PRDX4: variants seen among roughly 807,000 people sequenced by gnomAD.
PRDX4 encodes the protein peroxiredoxin 4, also known as peroxiredoxin-4.
PRDX4 carries 12 observed loss-of-function variants against 20.5 expected under a neutral mutation model. The ratio of observed to expected loss-of-function variants is 0.58; its 90% CI spans 0.37 to 0.95. PRDX4 has a LOEUF of 0.95. Among genes scored for constraint, PRDX4 ranks in the 40% least tolerant of loss-of-function variants. The pLI is 0.01. For synonymous variants in PRDX4, 99 were observed against 87.5 expected (o/e 1.13, Z -0.73); for missense variants, 180 against 207.3 (o/e 0.87, Z 0.81).
At position 23,667,750 on chromosome X, in the gene PRDX4, C is replaced by T; in HGVS notation, c.180C>T (p.Tyr60=). The T allele has an allele frequency of 8.3e-7, 1 of 1,211,593 alleles. No homozygotes were observed. Among genetic ancestry groups the T allele is most frequent in the East Asian group, 3.0e-5 (1 of 33,817 alleles). Residue 60 remains tyrosine (Y), a synonymous_variant, in exon 1 of 7, where the codon TAC becomes TAT. Coordinates refer to ENST00000379341, the MANE Select transcript of PRDX4 (RefSeq NM_006406.2). ...ECHFYAGGQV[Y]PGEASRVSVA... is the part of the protein sequence containing the mutation. ...ACTTCTACGCGGGTGGACAAGTGTA[C>T]CCGGGAGAGGCATCCCGGGTATCGG...
intron 3 of PRDX4, among the ~76,000 whole-genome samples, chrX:23,678,350 C>A (rs1015114770): frequency 1.8e-5 from 2 of 110,136 alleles, no homozygotes; most frequent in Non-Finnish European, 3.8e-5. Flanking sequence ...GTGTTATAGG[C>A]CAGGCGCGGT....
rs1421998300 is a variant in PRDX4 at position 23,682,334 on chromosome X, G to A, written c.600-62G>A. 5.3e-6 allele frequency: 5 copies of A among 950,027 alleles called. No individual in the cohort carries two copies. The East Asian group carries it at 2.2e-4, about 41-fold the overall frequency. 78.3% of individuals were successfully genotyped at this position (950,027 alleles called of 1,213,427 possible). A position where few individuals can be genotyped will look rare whatever the true frequency, so the allele number is the denominator to read the frequency against. ...AGCATCCTTTTGTGTGGATGGTATAGGAATTCACAATACATAAATGAGAAG... is the reference window on the plus strand; with the variant it reads ...AGCATCCTTTTGTGTGGATGGTATAAGAATTCACAATACATAAATGAGAAG... On this transcript the variant is annotated intron_variant, in intron 4 of 6. Coordinates refer to ENST00000379341, the MANE Select transcript of PRDX4 (RefSeq NM_006406.2).
intron 3 of PRDX4, among the ~76,000 whole-genome samples, chrX:23,676,136 C>CAAAAAAAAAAAAAA (rs55792240): frequency 2.2e-4 from 12 of 55,001 alleles, no homozygotes; most frequent in East Asian, 5.7e-4. Flanking sequence ...AACTCCATCT[C>CAAAAAAAAAAAAAA]AAAAAAAAAA....
At chrX:23,679,557 AT>A (rs1928021490) in intron 4 of PRDX4, among the ~76,000 whole-genome samples, 1 of 109,741 alleles carries the variant, frequency 9.1e-6, no homozygotes, top group Non-Finnish European at 1.9e-5. Flanking sequence ...ATGGTGGCGT[AT>A]GCCTGTAGTC....
intron 3 of PRDX4, chrX:23,675,315 C>T: frequency 3.9e-6 from 3 of 773,444 alleles, no homozygotes; most frequent in Non-Finnish European, 5.3e-6. Flanking sequence ...AATAAAAATG[C>T]TTAAGGATTT....
In PRDX4 at chrX:23,667,753, G is replaced by A. The variant is rs758983122; in HGVS notation, c.183G>A (p.Pro61=). 1.7e-6 allele frequency: 2 copies of A among 1,211,756 alleles called. No individual in the cohort carries two copies. Among genetic ancestry groups the A allele is most frequent in the Non-Finnish European group, 1.1e-6 (1 of 895,445 alleles). The part of the protein sequence containing the change: ...CHFYAGGQVY[P]GEASRVSVAD... Reference sequence around the variant, plus strand: ...TCTACGCGGGTGGACAAGTGTACCCGGGAGAGGCATCCCGGGTATCGGTCG... The same window carrying A: ...TCTACGCGGGTGGACAAGTGTACCCAGGAGAGGCATCCCGGGTATCGGTCG... The change falls in exon 1 of 7, where the codon CCG becomes CCA. Residue 61 remains proline (P), a synonymous_variant. Transcript: ENST00000379341.
At chrX:23,673,050 T>C (rs745596842) in intron 2 of PRDX4, among the ~76,000 whole-genome samples, 9 of 112,242 alleles carry the variant, frequency 8.0e-5, no homozygotes, top group Admixed American at 9.5e-5. Flanking sequence ...TCAGTAGACA[T>C]AAAAAATGAC....
chrX:23,682,205 T>C (rs1928081971), intron 4 of PRDX4, among the ~76,000 whole-genome samples, 191 bp from the exon 5 acceptor site: 1 of 105,462 alleles, frequency 9.5e-6, no homozygotes, highest in Non-Finnish European at 1.9e-5. Context: ...TTCCAAATTA[T>C]ACATTAGATT....
At chrX:23,686,221 GACT>G (rs2146797331) in intron 6 of PRDX4, 61 bp from the exon 7 acceptor site, 1 of 894,501 alleles carries the variant, frequency 1.1e-6, no homozygotes, top group East Asian at 3.2e-5. Flanking sequence ...ACTAATGTCA[GACT>G]ACTCATTATG....
intron 1 of PRDX4, among the ~76,000 whole-genome samples, chrX:23,669,650 C>T (rs903189421): frequency 2.9e-4 from 32 of 111,795 alleles, no homozygotes; most frequent in Non-Finnish European, 5.6e-4. Context: ...GGTGTGGTGG[C>T]TCACGTCTAT....
intron 2 of PRDX4, among the ~76,000 whole-genome samples, chrX:23,673,599 A>T (rs1927886617): frequency 9.0e-6 from 1 of 110,898 alleles, no homozygotes; most frequent in African/African-American, 3.3e-5. Flanking sequence ...CTGAAAATAC[A>T]AACAAAATTA....
intron 3 of PRDX4, among the ~76,000 whole-genome samples, chrX:23,675,771 A>T (rs1927934137): frequency 8.9e-6 from 1 of 111,783 alleles, no homozygotes; most frequent in South Asian, 3.7e-4. Context: ...GGAAATTTAC[A>T]TGTTAATATG....
intron 1 of PRDX4, among the ~76,000 whole-genome samples, chrX:23,670,713 T>C (rs1927826297): frequency 8.9e-6 from 1 of 112,257 alleles, no homozygotes; most frequent in Non-Finnish European, 1.9e-5. Flanking sequence ...TCAGTTTCCA[T>C]TGGGTCACTT....
rs149655348 is a variant in PRDX4, at chrX:23,672,787, T to C, written c.359+1141T>C. Among the ~76,000 whole-genome samples, 426 of 111,659 alleles carry C rather than the reference T, an allele frequency of 3.8e-3. 9 individuals are homozygous for C. The East Asian group carries it at 0.073, about 19-fold the overall frequency. On this transcript the variant is annotated intron_variant, in intron 2 of 6. Transcript: ENST00000379341. Reference sequence around the variant, plus strand: ...GAGGGTATACTTAAGCTCATTGCTATAGGTTGTTTCTAGGCCAGGGATTAA... The same window carrying C: ...GAGGGTATACTTAAGCTCATTGCTACAGGTTGTTTCTAGGCCAGGGATTAA...
At chrX:23,681,996 A>G (rs1263599345) in intron 4 of PRDX4, among the ~76,000 whole-genome samples, 1 of 112,256 alleles carries the variant, frequency 8.9e-6, no homozygotes, top group African/African-American at 3.2e-5. Context: ...AGCCGAGATC[A>G]TGCCACTGCA....
chrX:23,684,359 A>C (rs188505727), intron 6 of PRDX4, among the ~76,000 whole-genome samples: 131 of 111,807 alleles, frequency 1.2e-3, no homozygotes, highest in African/African-American at 3.8e-3. Context: ...CAAAGAAAAC[A>C]GTCACAAGCA....
Position 23,686,270 on chromosome X carries a change from G to A in PRDX4, c.766-15G>A, listed in dbSNP as rs377712495. 167 of 1,157,974 alleles carry A rather than the reference G, an allele frequency of 1.4e-4. No individual in the cohort carries two copies. Among genetic ancestry groups the A allele is most frequent in the Non-Finnish European group, 1.8e-4 (153 of 864,187 alleles). ...TTAAAATGAATAATTTCCTTTCTTC[G>A]TTTTGTTTTAACAGATAATCCCAGA... is the stretch of plus-strand genomic sequence containing the variant. On this transcript the variant is annotated splice_polypyrimidine_tract_variant and intron_variant, in intron 6 of 6. Transcript: ENST00000379341.
At chrX:23,670,820 C>T (rs1927828513) in intron 1 of PRDX4, among the ~76,000 whole-genome samples, 1 of 111,932 alleles carries the variant, frequency 8.9e-6, no homozygotes, top group African/African-American at 3.2e-5. Context: ...TTGTACATTC[C>T]CTCCTCATTT....
intron 1 of PRDX4, 70 bp from the exon 2 acceptor site, chrX:23,671,459 T>G (rs991413512): frequency 7.7e-5 from 65 of 847,219 alleles, no homozygotes; most frequent in Non-Finnish European, 1.1e-4. Flanking sequence ...AGTGATTTTC[T>G]AAAGATGTCC....
Sources: gnomAD v4.1 joint callset for allele counts (sites outside exome capture counted in the v4.1 genomes callset) on GRCh38, gnomAD v4.1.1 for gene constraint, MANE v1.5 for transcripts, NCBI Gene and HGNC (gene_info 2026-07-23, HGNC 2026-07-21) for gene names.